Variants in GHRH observed in about 807,000 individuals in gnomAD.
GHRH encodes the protein growth hormone releasing hormone, also known as somatoliberin.
A neutral mutation model predicts 15.6 loss-of-function variants in GHRH; 7 were observed. That is an observed-to-expected ratio of 0.45 (90% confidence interval 0.26 to 0.84). The LOEUF (loss-of-function observed/expected upper bound fraction) is 0.84. GHRH is among the 40% of genes least tolerant of loss of function. The probability of loss-of-function intolerance (pLI) is 0.18; values close to 1 mark genes in which losing one functional copy is unlikely to be tolerated. For missense variants in GHRH, 117 were observed against 138.0 expected, an observed-to-expected ratio of 0.85 and a Z score of 0.76; for synonymous variants, 54 against 50.4, an observed-to-expected ratio of 1.07 and a Z score of -0.30.
chr20:37,257,040 G>A (rs1159280712), intron 1 of GHRH, 132 bp from the exon 2 acceptor site: 1 of 645,752 alleles, frequency 1.5e-6, no homozygotes, highest in Non-Finnish European at 2.8e-6. Flanking sequence ...ATGGGAAAAA[G>A]AACCCAGACA....
At chr20:37,253,053 C>A (rs6104281) in intron 4 of GHRH, among the ~76,000 whole-genome samples, 1,561 of 152,294 alleles carry the variant, frequency 0.01, 25 homozygotes, top group African/African-American at 0.035. Context: ...ACAAATCAGG[C>A]TCTAAACCCC....
At chr20:37,256,992 A>G in intron 1 of GHRH, 84 bp from the exon 2 acceptor site, 2 of 823,422 alleles carry the variant, frequency 2.4e-6, no homozygotes, top group Non-Finnish European at 2.0e-6. Flanking sequence ...GCTTGGCTCC[A>G]TGGCAAGCCT....
rs767746758 is a variant in GHRH, at chr20:37,254,239, G to T, written c.279C>A (p.Ser93Arg). ...WAEQKQMELESILVALLQKHS... is the reference protein window; with the variant it reads ...WAEQKQMELERILVALLQKHS... ...GCTTCTGCAGCAGGGCCACCAGGAT[G>T]CTCTCCAATTCCATTTGCTTTTGTT... The change falls in exon 4 of 5, where the codon AGC becomes AGA. Residue 93 changes from serine to arginine, a missense_variant. Coordinates refer to ENST00000373614, the MANE Select transcript of GHRH (RefSeq NM_021081.6). 6.2e-7 allele frequency: 1 copy of T among 1,614,142 alleles called. No individual in the cohort carries two copies. Among genetic ancestry groups the T allele is most frequent in the Non-Finnish European group, 8.5e-7 (1 of 1,179,996 alleles).
chr20:37,252,636 C>T (rs1452211645), intron 4 of GHRH, among the ~76,000 whole-genome samples: 1 of 151,368 alleles, frequency 6.6e-6, no homozygotes, highest in African/African-American at 2.4e-5. Context: ...GGCGTGGTGG[C>T]GGGTGCCTGT....
intron 1 of GHRH, among the ~76,000 whole-genome samples, chr20:37,260,147 G>C (rs1400718948): frequency 1.3e-5 from 2 of 152,140 alleles, no homozygotes; most frequent in Non-Finnish European, 2.9e-5. Flanking sequence ...GCTCATTCAA[G>C]ATAAGGCTCA....
At chr20:37,254,532 G>A (rs2068644473) in intron 3 of GHRH, among the ~76,000 whole-genome samples, 1 of 152,142 alleles carries the variant, frequency 6.6e-6, no homozygotes, top group African/African-American at 2.4e-5. Context: ...TCTCCCCACA[G>A]ATTATTAATG....
Position 37,258,232 on chromosome 20 carries a change from A to G in GHRH, c.-19-1324T>C, listed in dbSNP as rs1413968384. 2.0e-5 allele frequency among the ~76,000 whole-genome samples: 3 copies of G among 152,168 alleles called. No individual in the cohort carries two copies. Among genetic ancestry groups the G allele is most frequent in the Non-Finnish European group, 4.4e-5 (3 of 68,012 alleles). On this transcript the variant is annotated intron_variant, in intron 1 of 4. Coordinates refer to ENST00000373614, the MANE Select transcript of GHRH (RefSeq NM_021081.6). This position sits in a 1 kb window ranked among gnomAD's most constrained non-coding sequence, Gnocchi z 4.1. ...GGCCACCTAGGAATTGGGTCCTCCC[A>G]TCTCCCATGGGTTTCTCCCTCTCTC...
At chr20:37,253,442 C>T (rs2068634604) in intron 4 of GHRH, among the ~76,000 whole-genome samples, 1 of 152,178 alleles carries the variant, frequency 6.6e-6, no homozygotes. Flanking sequence ...TGTTAAAATT[C>T]AGATTTCTGG....
At chr20:37,260,453 C>T (rs983257099) in intron 1 of GHRH, among the ~76,000 whole-genome samples, 5 of 151,322 alleles carry the variant, frequency 3.3e-5, no homozygotes, top group African/African-American at 4.9e-5. Context: ...GGCATGGTGG[C>T]GCATGCCTGT....
chr20:37,253,767 T>C (rs2068636896), intron 4 of GHRH, among the ~76,000 whole-genome samples: 1 of 152,106 alleles, frequency 6.6e-6, no homozygotes, highest in African/African-American at 2.4e-5. Context: ...CTTTTTTTAT[T>C]TTAGACAGAG....
intron 4 of GHRH, among the ~76,000 whole-genome samples, chr20:37,252,444 A>G (rs1379282600): frequency 6.6e-6 from 1 of 152,228 alleles, no homozygotes; most frequent in Non-Finnish European, 1.5e-5. Flanking sequence ...CAGCAGAGCC[A>G]CACTGGGACC....
At chr20:37,252,244 G>A (rs1386668185) in intron 4 of GHRH, among the ~76,000 whole-genome samples, 2 of 152,198 alleles carry the variant, frequency 1.3e-5, no homozygotes, top group East Asian at 3.9e-4. Flanking sequence ...CAGGCCTGGG[G>A]CCCAGGTGTT....
At chr20:37,261,224 G>A (rs1004568543) in intron 1 of GHRH, among the ~76,000 whole-genome samples, 5 of 152,186 alleles carry the variant, frequency 3.3e-5, no homozygotes, top group African/African-American at 1.2e-4. Context: ...GTGGGGTAGC[G>A]GAGGACTCCA....
At chr20:37,257,456 A>C (rs111623838) in intron 1 of GHRH, among the ~76,000 whole-genome samples, 25 of 151,818 alleles carry the variant, frequency 1.6e-4, no homozygotes, top group African/African-American at 5.3e-4. Context: ...TGGAAGTTGC[A>C]GTGAGCCAAG....
At position 37,254,414 on chromosome 20, in the gene GHRH, C is replaced by T. The variant is rs916980317; in HGVS notation, c.189-85G>A. ...TATATCCCTATGCCTATTTCAATAT[C>T]TGGTGTGGACTCTTCTACCCAACTG... is the stretch of plus-strand genomic sequence containing the variant. On this transcript the variant is annotated intron_variant, in intron 3 of 4. Transcript: ENST00000373614. The T allele has an allele frequency of 2.2e-6, 3 of 1,360,704 alleles. No homozygotes were observed. The Admixed American group carries it at 5.1e-5, about 23-fold the overall frequency. 84.3% of individuals were successfully genotyped at this position (1,360,704 alleles called of 1,614,324 possible).
chr20:37,256,999 G>T, intron 1 of GHRH, 91 bp from the exon 2 acceptor site: 1 of 778,118 alleles, frequency 1.3e-6, no homozygotes. Flanking sequence ...TCCATGGCAA[G>T]CCTTGGTCCT....
intron 4 of GHRH, among the ~76,000 whole-genome samples, chr20:37,251,963 C>T (rs946455531): frequency 4.6e-5 from 7 of 152,180 alleles, no homozygotes; most frequent in Admixed American, 3.9e-4. Context: ...TTTCAATCTC[C>T]GTGAAGCCTC....
At chr20:37,256,332 G>T in intron 3 of GHRH, 62 bp downstream of exon 3, 2 of 1,066,582 alleles carry the variant, frequency 1.9e-6, no homozygotes, top group South Asian at 2.9e-5. Context: ...CCCCTGTAGG[G>T]AACAAGCTCC....
intron 3 of GHRH, among the ~76,000 whole-genome samples, chr20:37,255,497 A>G (rs1199580926): frequency 6.6e-6 from 1 of 151,564 alleles, no homozygotes; most frequent in Non-Finnish European, 1.5e-5. Context: ...CGTCTCTACT[A>G]AAATATACAA....
Sources: gnomAD v4.1 joint callset for allele counts (sites outside exome capture counted in the v4.1 genomes callset) on GRCh38, gnomAD v4.1.1 for gene constraint, Gnocchi (gnomAD v3.1) non-coding constraint, MANE v1.5 for transcripts, NCBI Gene and HGNC (gene_info 2026-07-23, HGNC 2026-07-21) for gene names.